Variants in ITGA1 observed in about 807,000 individuals in gnomAD.
ITGA1 encodes the protein integrin subunit alpha 1, also known as integrin alpha-1.
ITGA1 carries 85 observed loss-of-function variants against 145.9 expected under a neutral mutation model. The observed-to-expected ratio is 0.58, with a 90% CI of 0.49 to 0.70. ITGA1 has a LOEUF of 0.70. ITGA1 is among the 30% of genes least tolerant of loss of function. The pLI, the probability that ITGA1 is intolerant of heterozygous loss-of-function variation, is 0.00. For missense variants in ITGA1, 1,351 were observed against 1,418.7 expected (o/e 0.95, Z 0.77); for synonymous variants, 520 against 495.3 (o/e 1.05, Z -0.66).
rs1751330829 is a variant in ITGA1 at position 52,958,188 on chromosome 5, T to C, written c.*5737T>C. On this transcript the variant is annotated 3_prime_UTR_variant, in exon 29 of 29. Coordinates refer to ENST00000282588, the MANE Select transcript of ITGA1 (RefSeq NM_181501.2). ...TTAGGACCAGTGCCAGGTGACAATC[T>C]TTCCGTCATGCTGCTGCAGCATTTT... 1 of 152,144 alleles carries C rather than the reference T, an allele frequency of 6.6e-6. No homozygotes were observed. The highest frequency in any genetic ancestry group is 1.5e-5 in the Non-Finnish European group (1 of 68,030). 9.4% of individuals were successfully genotyped at this position (152,144 alleles called of 1,614,324 possible).
chr5:52,952,315 T>C, intron 28 of ITGA1, 92 bp from the exon 29 acceptor site: 1 of 609,582 alleles, frequency 1.6e-6, no homozygotes, highest in East Asian at 3.4e-5. Flanking sequence ...GCATTGCCAA[T>C]ATACTATTAA....
chr5:52,797,475 A>G (rs1435220769), intron 1 of ITGA1, among the ~76,000 whole-genome samples: 1 of 152,038 alleles, frequency 6.6e-6, no homozygotes, highest in Non-Finnish European at 1.5e-5. Context: ...AAAAAAAAAA[A>G]CTATGTAGAA....
chr5:52,790,837 A>T (rs1238031263), intron 1 of ITGA1, among the ~76,000 whole-genome samples: 1 of 152,228 alleles, frequency 6.6e-6, no homozygotes, highest in African/African-American at 2.4e-5. Context: ...TGCCTACCAC[A>T]ACCCATAAGC....
chr5:52,865,195 ATTACCAAT>A, intron 5 of ITGA1, 113 bp downstream of exon 5: 1 of 717,886 alleles, frequency 1.4e-6, no homozygotes, highest in Non-Finnish European at 2.2e-6. Flanking sequence ...AGCTACCAGC[ATTACCAAT>A]TTAGGTAAAT....
chr5:52,856,821 C>G (rs550485889), intron 2 of ITGA1, among the ~76,000 whole-genome samples: 120 of 152,206 alleles, frequency 7.9e-4, no homozygotes, highest in African/African-American at 2.8e-3. Context: ...TCTATAAATT[C>G]TCAAGATTTT....
At chr5:52,941,225 C>G (rs1751048973) in intron 26 of ITGA1, among the ~76,000 whole-genome samples, 1 of 152,120 alleles carries the variant, frequency 6.6e-6, no homozygotes, top group Non-Finnish European at 1.5e-5. Context: ...TTGTGAATAG[C>G]ACTGCAATGA....
chr5:52,788,020 T>G lies in ITGA1; in HGVS notation c.-334T>G. 3.4e-6 allele frequency: 1 copy of G among 296,560 alleles called. No individual in the cohort carries two copies. The highest frequency in any genetic ancestry group is 6.2e-6 in the Non-Finnish European group (1 of 160,092). 18.4% of individuals were successfully genotyped at this position (296,560 alleles called of 1,614,324 possible). A position where few individuals can be genotyped will look rare whatever the true frequency, so the allele number is the denominator to read the frequency against. On this transcript the variant is annotated 5_prime_UTR_variant, in exon 1 of 29. Transcript: ENST00000282588. ...GGTTTGCTTCTACAGCCCGTGGACT[T>G]TAGCCTAAACACGGACCCGCGAAGC...
At position 52,801,703 on chromosome 5, in the gene ITGA1, G is replaced by C. The variant is rs369706302; in HGVS notation, c.61+13289G>C. ...GGTGGACAGTGTGAAAGAGAATGCA[G>C]GCACCGTTAGGATATTCTCTAGTCT... On this transcript the variant is annotated intron_variant, in intron 1 of 28. Transcript: ENST00000282588. 40 of 1,614,118 alleles carry C rather than the reference G, an allele frequency of 2.5e-5. No individual in the cohort carries two copies. The African/African-American group carries it at 3.7e-4, about 15-fold the overall frequency.
At chr5:52,936,591 G>C (rs1750968098) in intron 23 of ITGA1, among the ~76,000 whole-genome samples, 1 of 152,180 alleles carries the variant, frequency 6.6e-6, no homozygotes, top group African/African-American at 2.4e-5. Flanking sequence ...TTATGCTTCA[G>C]CAGTAGGAAG....
chr5:52,903,016 A>T (rs145428788), intron 11 of ITGA1: 15 of 152,174 alleles, frequency 9.9e-5, no homozygotes, highest in African/African-American at 3.6e-4. Flanking sequence ...TTAGACACCC[A>T]AGCCTCAATT....
intron 6 of ITGA1, among the ~76,000 whole-genome samples, chr5:52,870,101 C>T (rs903550827): frequency 6.6e-6 from 1 of 152,166 alleles, no homozygotes; most frequent in Non-Finnish European, 1.5e-5. Context: ...TTCATGTAGT[C>T]TTACAGTAAT....
At chr5:52,872,962 G>T (rs564662295) in intron 6 of ITGA1, among the ~76,000 whole-genome samples, 1 of 151,880 alleles carries the variant, frequency 6.6e-6, no homozygotes, top group African/African-American at 2.4e-5. Context: ...TTTGTTTTTT[G>T]GGTCTGTCTC....
At chr5:52,851,272 C>T (rs28666730) in intron 2 of ITGA1, among the ~76,000 whole-genome samples, 2,146 of 152,140 alleles carry the variant, frequency 0.014, 49 homozygotes, top group African/African-American at 0.046. Context: ...GTCAGAAGTC[C>T]TTAATTATAT....
Position 52,823,869 on chromosome 5 carries a change from A to G in ITGA1, c.62-25496A>G, listed in dbSNP as rs868185604. On this transcript the variant is annotated intron_variant, in intron 1 of 28. Transcript: ENST00000282588. ...CTTAGAAAACAGAATTGACTTTTGT[A>G]TGTCTGTGGTAGCTTTACAAATAAA... is the stretch of plus-strand genomic sequence containing the variant. Among the ~76,000 whole-genome samples the G allele has an allele frequency of 2.6e-5, 4 of 152,232 alleles. 1 individual carries two copies. In the South Asian group the frequency reaches 8.3e-4, roughly 31 times the overall value.
At chr5:52,815,994 G>A (rs113273310) in intron 1 of ITGA1, among the ~76,000 whole-genome samples, 8 of 152,176 alleles carry the variant, frequency 5.3e-5, no homozygotes, top group African/African-American at 1.9e-4. Context: ...ACAGTAGTAA[G>A]TAGTGGCTAA....
At chr5:52,810,816 C>T (rs892271256) in intron 1 of ITGA1, among the ~76,000 whole-genome samples, 2 of 152,154 alleles carry the variant, frequency 1.3e-5, no homozygotes, top group African/African-American at 4.8e-5. Flanking sequence ...TCACCTTTAT[C>T]TCTGATCCTG....
chr5:52,810,490 T>C (rs1748668188), intron 1 of ITGA1, among the ~76,000 whole-genome samples: 1 of 152,182 alleles, frequency 6.6e-6, no homozygotes, highest in South Asian at 2.1e-4. Flanking sequence ...GGAAAGAACA[T>C]TTTCTGCAGA....
chr5:52,905,972 C>T, intron 12 of ITGA1, 64 bp downstream of exon 12: 1 of 1,428,024 alleles, frequency 7.0e-7, no homozygotes, highest in Non-Finnish European at 9.6e-7. Flanking sequence ...TATTTACTGT[C>T]TATTGTCCTA....
chr5:52,836,731 GTCAT>G (rs1749168012), intron 1 of ITGA1, among the ~76,000 whole-genome samples: 1 of 152,000 alleles, frequency 6.6e-6, no homozygotes, highest in African/African-American at 2.4e-5. Context: ...GATAATAAAG[GTCAT>G]TCAATCAAGC....
Sources: gnomAD v4.1 joint callset for allele counts (sites outside exome capture counted in the v4.1 genomes callset) on GRCh38, gnomAD v4.1.1 for gene constraint, MANE v1.5 for transcripts, NCBI Gene and HGNC (gene_info 2026-07-23, HGNC 2026-07-21) for gene names.